The following DPH6 variants were observed in gnomAD, a reference collection of about 807,000 sequenced individuals.
The protein encoded by DPH6 is diphthamine biosynthesis 6, also known as diphthine--ammonia ligase.
In DPH6, 33 loss-of-function variants were observed where a neutral mutation model predicts 38.2. The observed-to-expected ratio is 0.86, with a 90% CI of 0.65 to 1.15. DPH6 has a LOEUF of 1.15. Ranked by LOEUF, DPH6 falls within the 50% of genes most tolerant of loss-of-function variation. DPH6 has a pLI of 0.00. For synonymous variants in DPH6, 108 were observed against 103.0 expected (o/e 1.05, Z -0.30); for missense variants, 325 against 320.0 (o/e 1.02, Z -0.12).
At chr15:35,300,606 G>A (rs902437591) in intron 3 of DPH6, among the ~76,000 whole-genome samples, 2 of 152,150 alleles carry the variant, frequency 1.3e-5, no homozygotes, top group African/African-American at 4.8e-5. Context: ...TTCCTGACGT[G>A]GGAAAAGACA....
chr15:35,459,948 A>G (rs1027900474), intron 3 of DPH6, among the ~76,000 whole-genome samples: 3 of 152,214 alleles, frequency 2.0e-5, no homozygotes, highest in Non-Finnish European at 4.4e-5. Flanking sequence ...TTCATATGTG[A>G]AAAAACCAAG....
the DPH6 span, among the ~76,000 whole-genome samples, chr15:35,146,782 T>A: frequency 2.0e-5 from 3 of 152,176 alleles, no homozygotes; most frequent in Middle Eastern, 3.2e-3. Context: ...TAAAAGTCTT[T>A]AGGCTTCTTT....
At chr15:35,460,227 C>A (rs1368423652) in intron 3 of DPH6, among the ~76,000 whole-genome samples, 2 of 151,536 alleles carry the variant, frequency 1.3e-5, no homozygotes, top group Non-Finnish European at 2.9e-5. Context: ...ATTTCAGATC[C>A]TCAGAGGAAA....
chr15:35,521,076 T>G, intron 3 of DPH6: 1 of 985,220 alleles, frequency 1.0e-6, no homozygotes, highest in Non-Finnish European at 1.2e-6. Flanking sequence ...AGCTCCAGTT[T>G]AACAAGTTAT....
intron 3 of DPH6, chr15:35,520,713 A>T (rs2054912048): frequency 2.0e-6 from 2 of 984,986 alleles, no homozygotes; most frequent in Admixed American, 6.2e-5. Context: ...CATGGACATT[A>T]GCTGTGAGAA....
chr15:35,534,637 G>A (rs947214145), intron 3 of DPH6, among the ~76,000 whole-genome samples: 5 of 151,872 alleles, frequency 3.3e-5, no homozygotes, highest in African/African-American at 1.2e-4. Context: ...AAGACACTGA[G>A]ATAGAAAATA....
downstream of DPH6, among the ~76,000 whole-genome samples, chr15:35,214,675 TC>T (rs2051403214): frequency 6.6e-6 from 1 of 152,176 alleles, no homozygotes; most frequent in African/African-American, 2.4e-5. Flanking sequence ...CGGCACGATC[TC>T]AGCTCACTGC....
At chr15:35,501,639 G>T (rs1044450806) in intron 3 of DPH6, among the ~76,000 whole-genome samples, 3 of 152,076 alleles carry the variant, frequency 2.0e-5, no homozygotes, top group Non-Finnish European at 4.4e-5. Flanking sequence ...GGGCAAATAT[G>T]TTACTAAAAA....
the DPH6 span, among the ~76,000 whole-genome samples, chr15:35,191,503 T>G: frequency 6.6e-6 from 1 of 152,174 alleles, no homozygotes; most frequent in Non-Finnish European, 1.5e-5. Flanking sequence ...CTTAAGTAAC[T>G]TGCTCAGGAT....
intron 3 of DPH6, among the ~76,000 whole-genome samples, chr15:35,271,001 C>T (rs564700295): frequency 1.1e-4 from 17 of 152,292 alleles, no homozygotes; most frequent in African/African-American, 4.1e-4. Context: ...GACCATCTAC[C>T]TACAAACTGC....
chr15:35,407,770 C>T (rs1020423864), intron 6 of DPH6, among the ~76,000 whole-genome samples: 4 of 151,808 alleles, frequency 2.6e-5, no homozygotes, highest in Admixed American at 6.6e-5. Flanking sequence ...AAGAGACCTA[C>T]GTGGCTACAG....
At chr15:35,213,838 C>T (rs569429909), downstream of DPH6, among the ~76,000 whole-genome samples, 18 of 152,264 alleles carry the variant, frequency 1.2e-4, no homozygotes, top group East Asian at 7.7e-4. Context: ...AGAGGCCGGG[C>T]GCGGTGGCTC....
At chr15:35,428,773 A>AAT (rs1160268885) in intron 5 of DPH6, among the ~76,000 whole-genome samples, 1 of 152,068 alleles carries the variant, frequency 6.6e-6, no homozygotes, top group African/African-American at 2.4e-5. Flanking sequence ...CTTCAGGCTA[A>AAT]ATATATAGCT....
intron 3 of DPH6, among the ~76,000 whole-genome samples, chr15:35,272,720 C>T (rs1489586544): frequency 6.6e-6 from 1 of 151,988 alleles, no homozygotes; most frequent in Admixed American, 6.6e-5. Context: ...ACCAGCCTGG[C>T]CAACATGGTG....
At chr15:35,170,271 G>A in the DPH6 span, among the ~76,000 whole-genome samples, 1 of 152,202 alleles carries the variant, frequency 6.6e-6, no homozygotes, top group East Asian at 1.9e-4. Flanking sequence ...CTTCCATGAT[G>A]AGAATGAAAT....
chr15:35,404,163 T>C (rs2053259424), intron 6 of DPH6, among the ~76,000 whole-genome samples: 1 of 152,166 alleles, frequency 6.6e-6, no homozygotes, highest in African/African-American at 2.4e-5. Flanking sequence ...ATCTTGGCTA[T>C]TGTGAACAGT....
chr15:35,156,998 C>T, the DPH6 span, among the ~76,000 whole-genome samples: 5 of 152,114 alleles, frequency 3.3e-5, no homozygotes, highest in Non-Finnish European at 7.3e-5. Context: ...ACAGACACCA[C>T]TATAATTTTG....
intron 6 of DPH6, among the ~76,000 whole-genome samples, chr15:35,395,435 C>T (rs1474296129): frequency 6.6e-6 from 1 of 151,976 alleles, no homozygotes; most frequent in African/African-American, 2.4e-5. Context: ...TATTTCTTAC[C>T]CCAAATCACT....
chr15:35,376,238 T>C (rs1431600832), intron 7 of DPH6, among the ~76,000 whole-genome samples: 1 of 152,170 alleles, frequency 6.6e-6, no homozygotes, highest in Non-Finnish European at 1.5e-5. Flanking sequence ...CATTGCCTAA[T>C]ATTCATTAGA....
Sources: allele counts gnomAD v4.1 joint callset (sites outside exome capture counted in the v4.1 genomes callset), GRCh38; gene constraint gnomAD v4.1.1; transcripts MANE v1.5; gene names NCBI Gene and HGNC (gene_info 2026-07-23, HGNC 2026-07-21).